The following CDC25C variants were observed in gnomAD, a reference collection of about 807,000 sequenced individuals.
CDC25C encodes the protein M-phase inducer phosphatase 3.
Under a neutral mutation model 52.5 loss-of-function variants are expected in CDC25C, and 48 were observed. That is an observed-to-expected ratio of 0.91 (90% CI 0.72 to 1.16). CDC25C has a LOEUF of 1.16. Ranked by LOEUF, CDC25C falls within the 50% of genes most tolerant of loss-of-function variation. CDC25C has a pLI of 0.00. For synonymous variants in CDC25C, 187 were observed against 206.5 expected (o/e 0.91, Z 0.81); for missense variants, 510 against 566.1 (o/e 0.90, Z 1.01).
intron 7 of CDC25C, among the ~76,000 whole-genome samples, chr5:138,307,885 A>G (rs1758142894): frequency 6.6e-6 from 1 of 152,122 alleles, no homozygotes; most frequent in South Asian, 2.1e-4. Context: ...ATTTTTTTCC[A>G]TGGATCTGGG....
At chr5:138,294,185 C>T (rs1045237230) in intron 7 of CDC25C, among the ~76,000 whole-genome samples, 12 of 149,968 alleles carry the variant, frequency 8.0e-5, no homozygotes, top group African/African-American at 2.7e-4. Flanking sequence ...GACTACCATG[C>T]TTGGCTAATT....
Position 138,325,826 on chromosome 5 carries a change from T to C in CDC25C, c.448A>G (p.Asn150Asp), listed in dbSNP as rs369743609. 6.2e-7 allele frequency: 1 copy of C among 1,611,064 alleles called. No individual in the cohort carries two copies. The highest frequency in any genetic ancestry group is 8.5e-7 in the Non-Finnish European group (1 of 1,177,388). Reference protein sequence around the residue: ...KRDAMCSSSANKENDNGNLVD... With the variant: ...KRDAMCSSSADKENDNGNLVD... ...CATTAAACACTCACATTTTCTTTAT[T>C]TGCAGATGAACTACACATTGCATCT... The change falls in exon 6 of 14, where the codon AAT (asparagine) becomes GAT (aspartate). Residue 150 changes from asparagine to aspartate, a missense_variant. Coordinates refer to ENST00000323760, the MANE Select transcript of CDC25C (RefSeq NM_001790.5).
At chr5:138,316,853 C>A (rs1455209651) in intron 7 of CDC25C, among the ~76,000 whole-genome samples, 1 of 152,110 alleles carries the variant, frequency 6.6e-6, no homozygotes, top group African/African-American at 2.4e-5. Flanking sequence ...GGAGCTGCCC[C>A]CTGTGGGTCT....
chr5:138,286,275 A>C, intron 12 of CDC25C, 142 bp from the exon 13 acceptor site: 1 of 787,598 alleles, frequency 1.3e-6, no homozygotes, highest in Non-Finnish European at 2.0e-6. Flanking sequence ...TTGCAAAAAA[A>C]GGTCCAAGTA....
chr5:138,292,114 C>T lies in CDC25C; in HGVS notation c.618G>A (p.Val206=), dbSNP rs1164079061. The T allele has an allele frequency of 3.1e-6, 5 of 1,610,362 alleles. No homozygotes were observed. The East Asian group carries it at 1.1e-4, about 36-fold the overall frequency. Residue 206 remains valine (V), a splice_region_variant and synonymous_variant, in exon 8 of 14, where the codon GTG becomes GTA. Coordinates refer to ENST00000323760, the MANE Select transcript of CDC25C (RefSeq NM_001790.5). ...EFSLKDQEAK[V]SRSGLYRSPS... ...GGGAGCGATATAGGCCACTTCTGCT[C>T]ACCTGTTTGGGAATATTAAACCCCC...
chr5:138,292,087 C>T lies in CDC25C; in HGVS notation c.645G>A (p.Pro215=), dbSNP rs182008758. 20 of 1,612,934 alleles carry T rather than the reference C, an allele frequency of 1.2e-5. No homozygotes were observed. The highest frequency in any genetic ancestry group is 1.0e-4 in the Admixed American group (6 of 59,858). The change falls in exon 8 of 14, where the codon CCG becomes CCA. Residue 215 remains proline (P), a synonymous_variant. Transcript: ENST00000323760. ...GCCTGTTCAAGTTCTCTGGCATCGACGGGGAGCGATATAGGCCACTTCTGC... is the reference window on the plus strand; with the variant it reads ...GCCTGTTCAAGTTCTCTGGCATCGATGGGGAGCGATATAGGCCACTTCTGC... The part of the protein sequence containing the change: ...KVSRSGLYRS[P]SMPENLNRPR...
upstream of CDC25C, chr5:138,332,115 C>G (rs2126856987): frequency 6.3e-6 from 1 of 158,048 alleles, no homozygotes; most frequent in Non-Finnish European, 1.4e-5. Flanking sequence ...TTTCTGTTTT[C>G]CTCGTTCCCT....
upstream of CDC25C, among the ~76,000 whole-genome samples, chr5:138,335,748 C>T (rs1362556609): frequency 1.3e-5 from 2 of 150,304 alleles, no homozygotes; most frequent in Non-Finnish European, 3.0e-5. Context: ...TGAAATGAGG[C>T]CTGAAACTTG....
At chr5:138,327,192 T>C (rs1478010861) in intron 4 of CDC25C, among the ~76,000 whole-genome samples, 3 of 150,178 alleles carry the variant, frequency 2.0e-5, no homozygotes, top group Non-Finnish European at 4.4e-5. Context: ...GAGGCGGAGG[T>C]TGTAGTGAGC....
chr5:138,287,569 G>A (rs2126641804), intron 10 of CDC25C, among the ~76,000 whole-genome samples: 1 of 152,356 alleles, frequency 6.6e-6, no homozygotes, highest in East Asian at 1.9e-4. Flanking sequence ...AAGGACTTCT[G>A]CAGTGGCAGA....
At chr5:138,292,460 A>G (rs1044231126) in intron 7 of CDC25C, among the ~76,000 whole-genome samples, 20 of 139,658 alleles carry the variant, frequency 1.4e-4, no homozygotes, top group African/African-American at 3.9e-4. Context: ...ACACAAGCTC[A>G]GTCCCTCCAG....
Position 138,290,854 on chromosome 5 carries a change from C to G in CDC25C, c.763-114G>C, listed in dbSNP as rs930074397. The G allele has an allele frequency of 1.5e-4, 100 of 678,396 alleles. 1 individual carries two copies. In the African/African-American group the frequency reaches 1.7e-3, roughly 12 times the overall value. The allele number at this position is 678,396 out of a possible 1,614,324, so 42.0% of individuals were successfully genotyped here. ...TCTGTAATCCTAGCTACATGGGAGG[C>G]TGAGGTAGGGAGATCACTTGAGCCC... On this transcript the variant is annotated intron_variant, in intron 8 of 13. Transcript: ENST00000323760.
chr5:138,331,922 T>A (rs1223634042), upstream of CDC25C: 4 of 984,916 alleles, frequency 4.1e-6, no homozygotes, highest in Non-Finnish European at 4.8e-6. Context: ...TCATGGCCTA[T>A]CGTTGGGCTC....
chr5:138,324,940 C>T (rs1278767208), intron 6 of CDC25C, among the ~76,000 whole-genome samples: 11 of 151,778 alleles, frequency 7.2e-5, no homozygotes, highest in Non-Finnish European at 2.9e-5. Context: ...CGTGGTGGCA[C>T]GTGCCTACAG....
intron 6 of CDC25C, 124 bp downstream of exon 6, chr5:138,325,691 T>C: frequency 1.4e-6 from 1 of 704,110 alleles, no homozygotes; most frequent in Non-Finnish European, 2.4e-6. Flanking sequence ...TTCTCCCCTA[T>C]AGTAATACAG....
At chr5:138,314,609 T>TG (rs1363649296) in intron 7 of CDC25C, among the ~76,000 whole-genome samples, 4 of 146,214 alleles carry the variant, frequency 2.7e-5, no homozygotes, top group African/African-American at 1.0e-4. Flanking sequence ...AGCACTTTTT[T>TG]TTTTTTTTTT....
chr5:138,319,780 G>T (rs985271117), intron 6 of CDC25C, among the ~76,000 whole-genome samples: 15 of 152,140 alleles, frequency 9.9e-5, no homozygotes, highest in Non-Finnish European at 5.9e-5. Context: ...CACATCAAAA[G>T]ATGCTCAACA....
Position 138,286,545 on chromosome 5 carries a change from AT to A in CDC25C, c.1111del (p.Ile371Ter). ...GAATTCACAGTGGAACACGATGATT[AT>A]TCTCTTCTGGGTGTCCAAAGGGACG... ...PIVPLDTQKR[I>X]IIVFHCEFSS... On this transcript the variant is annotated frameshift_variant, in exon 12 of 14. Transcript: ENST00000323760. LOFTEE classifies it high-confidence loss of function. 5 of 1,614,086 alleles carry A rather than the reference AT, an allele frequency of 3.1e-6. No homozygotes were observed. The highest frequency in any genetic ancestry group is 4.2e-6 in the Non-Finnish European group (5 of 1,179,942).
Position 138,326,023 on chromosome 5 carries a change from G to A in CDC25C, c.367C>T (p.Pro123Ser). The change falls in exon 5 of 14, where the codon CCA (proline) becomes TCA (serine). Residue 123 changes from proline to serine, a missense_variant and splice_region_variant. Transcript: ENST00000323760. ...NHDQHLMKCSPAQLLCSTPNG... is the reference protein window; with the variant it reads ...NHDQHLMKCSSAQLLCSTPNG... ...CCAAAAAAAGAGAGGCTACTCACTGGGCTACATTTCATTAGGTGCTGGTCA... is the reference window on the plus strand; with the variant it reads ...CCAAAAAAAGAGAGGCTACTCACTGAGCTACATTTCATTAGGTGCTGGTCA... 1 of 1,614,172 alleles carries A rather than the reference G, an allele frequency of 6.2e-7. No homozygotes were observed. The highest frequency in any genetic ancestry group is 8.5e-7 in the Non-Finnish European group (1 of 1,180,010).
Sources: allele counts gnomAD v4.1 joint callset (sites outside exome capture counted in the v4.1 genomes callset), GRCh38; gene constraint gnomAD v4.1.1; transcripts MANE v1.5; gene names NCBI Gene and HGNC (gene_info 2026-07-23, HGNC 2026-07-21).